GDF9: variants seen among roughly 807,000 people sequenced by gnomAD.
The protein encoded by GDF9 is growth/differentiation factor 9.
In GDF9, 30 loss-of-function variants were observed where a neutral mutation model predicts 33.8. The observed-to-expected ratio is 0.89, with a 90% CI of 0.66 to 1.20. GDF9 has a LOEUF of 1.20. Among genes scored for constraint, GDF9 ranks in the 50% most tolerant of loss-of-function variants. GDF9 has a pLI of 0.00. For synonymous variants in GDF9, 205 were observed against 200.7 expected, an observed-to-expected ratio of 1.02 and a Z score of -0.18; for missense variants, 556 against 543.7, an observed-to-expected ratio of 1.02 and a Z score of -0.22.
intron 1 of GDF9, among the ~76,000 whole-genome samples, chr5:132,863,871 T>C (rs1759424173): frequency 6.6e-6 from 1 of 152,220 alleles, no homozygotes; most frequent in African/African-American, 2.4e-5. Context: ...GGTGCTAACA[T>C]TCTCTAGCAG....
At chr5:132,866,498 G>A, upstream of GDF9, 1 of 273,896 alleles carries the variant, frequency 3.7e-6, no homozygotes, top group South Asian at 3.7e-5. Flanking sequence ...GGGCCTCCAA[G>A]GCACCTCCCA....
rs1441003816 is a variant in GDF9 at position 132,862,280 on chromosome 5, G to A, written c.674C>T (p.Ala225Val). 1 of 1,613,674 alleles carries A rather than the reference G, an allele frequency of 6.2e-7. No individual in the cohort carries two copies. Among genetic ancestry groups the A allele is most frequent in the East Asian group, 2.2e-5 (1 of 44,898 alleles). ...DVTSLLQPLV[A>V]SNKRSIHMSI... The stretch of plus-strand genomic sequence containing the variant: ...CATGTGAATACTTCTCTTGTTGGAG[G>A]CCACTAAAGGTTGAAGGAGGCTGGT... Residue 225 changes from alanine (A) to valine (V), a missense_variant, in exon 2 of 2, where the codon GCC becomes GTC. By Grantham distance (64) the Ala-to-Val change is moderately conservative. Coordinates refer to ENST00000687138, the MANE Select transcript of GDF9 (RefSeq NM_005260.7).
Position 132,864,409 on chromosome 5 carries a change from G to T in GDF9, c.125C>A (p.Ser42Tyr). The T allele has an allele frequency of 6.2e-7, 1 of 1,613,884 alleles. No homozygotes were observed. The highest frequency in any genetic ancestry group is 8.5e-7 in the Non-Finnish European group (1 of 1,179,876). The change falls in exon 1 of 2, where the codon TCT (serine) becomes TAT (tyrosine). Residue 42 changes from serine to tyrosine, a missense_variant. Transcript: ENST00000687138. ...CAGCAAGGACCAAGGCATAGCCCCA[G>T]ATTCCAACTCAGCACTAGCAGCAAT... ...AQIAASAELE[S>Y]GAMPWSLLQH...
In GDF9 at chr5:132,861,872, C is replaced by T. The variant is rs1308929564; in HGVS notation, c.1082G>A (p.Ser361Asn). 6.2e-7 allele frequency: 1 copy of T among 1,613,606 alleles called. No individual in the cohort carries two copies. Residue 361 changes from serine (S) to asparagine (N), a missense_variant, in exon 2 of 2, where the codon AGC (serine) becomes AAC (asparagine). Transcript: ENST00000687138. ...GTTGTCCCACTTCAGCTGACTAAAG[C>T]TAAGTCTAAAGTCATGGAGCTCACA... The part of the protein sequence containing the change: ...NECELHDFRL[S>N]FSQLKWDNWI...
Position 132,865,961 on chromosome 5 carries a change from G to C in GDF9, c.-1428C>G, listed in dbSNP as rs996446954. Among the ~76,000 whole-genome samples the C allele has an allele frequency of 6.6e-6, 1 of 152,156 alleles. No individual in the cohort carries two copies. Among genetic ancestry groups the C allele is most frequent in the African/African-American group, 2.4e-5 (1 of 41,428 alleles). ...TCTGGGGAGGACGCTGGCTGCTGTC[G>C]AGGCGGCCTCAGCATTCATCAATTG... On this transcript the variant is annotated 5_prime_UTR_variant, in exon 1 of 2. Coordinates refer to ENST00000687138, the MANE Select transcript of GDF9 (RefSeq NM_005260.7).
Position 132,861,344 on chromosome 5 carries a change from TAA to T in GDF9, c.*243_*244del, listed in dbSNP as rs920939412. ...AAAAAATCACTCAAGGAAAAAAATG[TAA>T]AGTTCTCCACAATAATTATATTTCA... On this transcript the variant is annotated 3_prime_UTR_variant, in exon 2 of 2. Transcript: ENST00000687138. 5 of 478,066 alleles carry T rather than the reference TAA, an allele frequency of 1.0e-5. No homozygotes were observed. Among genetic ancestry groups the T allele is most frequent in the East Asian group, 3.8e-5 (1 of 26,096 alleles). 29.6% of individuals were successfully genotyped at this position (478,066 alleles called of 1,614,324 possible). A position where few individuals can be genotyped will look rare whatever the true frequency, so the allele number is the denominator to read the frequency against.
chr5:132,862,029 C>A lies in GDF9; in HGVS notation c.925G>T (p.Asp309Tyr). 1.2e-6 allele frequency: 2 copies of A among 1,613,962 alleles called. No individual in the cohort carries two copies. The highest frequency in any genetic ancestry group is 1.7e-6 in the Non-Finnish European group (2 of 1,179,830). The change falls in exon 2 of 2, where the codon GAT becomes TAT. Residue 309 changes from aspartate (D) to tyrosine (Y), a missense_variant. By Grantham distance (160) the Asp-to-Tyr change is radical. Coordinates refer to ENST00000687138, the MANE Select transcript of GDF9 (RefSeq NM_005260.7). Reference protein sequence around the residue: ...AYPVGEEAAEDGRSSHHRHRR... With the variant: ...AYPVGEEAAEYGRSSHHRHRR... The stretch of plus-strand genomic sequence containing the variant: ...TGACGGTGATGGGAAGATCTCCCAT[C>A]CTCAGCAGCCTCTTCTCCCACAGGA...
Position 132,862,388 on chromosome 5 carries a change from G to A in GDF9, c.566C>T (p.Thr189Ile), listed in dbSNP as rs1759323018. Residue 189 changes from threonine (T) to isoleucine (I), a missense_variant, in exon 2 of 2, where the codon ACT becomes ATT. Coordinates refer to ENST00000687138, the MANE Select transcript of GDF9 (RefSeq NM_005260.7). ...AAATGAGTATGGAGCTCTGCCGAGAGTCCTGCTAGAAGACTTTGGCTCCTT... is the reference window on the plus strand; with the variant it reads ...AAATGAGTATGGAGCTCTGCCGAGAATCCTGCTAGAAGACTTTGGCTCCTT... ...MIKEPKSSSR[T>I]LGRAPYSFTF... 2 of 1,613,802 alleles carry A rather than the reference G, an allele frequency of 1.2e-6. No individual in the cohort carries two copies. The highest frequency in any genetic ancestry group is 1.7e-6 in the Non-Finnish European group (2 of 1,179,648).
chr5:132,866,582 T>C (rs1759620889), upstream of GDF9: 4 of 490,500 alleles, frequency 8.2e-6, no homozygotes, highest in South Asian at 2.1e-5. Flanking sequence ...AGGAAAATGG[T>C]ATCTCCCGGA....
rs1759307799 is a variant in GDF9, at chr5:132,862,245, A to G, written c.709T>C (p.Phe237Leu). Residue 237 changes from phenylalanine (F) to leucine (L), a missense_variant, in exon 2 of 2, where the codon TTT becomes CTT. By Grantham distance (22) the Phe-to-Leu change is conservative. Coordinates refer to ENST00000687138, the MANE Select transcript of GDF9 (RefSeq NM_005260.7). ...NKRSIHMSIN[F>L]TCMKDQLEHP... ...TCCAGCTGGTCTTTCATGCAAGTAA[A>G]ATTTATAGACATGTGAATACTTCTC... is the stretch of plus-strand genomic sequence containing the variant. 6.2e-7 allele frequency: 1 copy of G among 1,614,012 alleles called. No homozygotes were observed.
At position 132,861,502 on chromosome 5, in the gene GDF9, A is replaced by C; in HGVS notation, c.*87T>G. 3.6e-6 allele frequency: 4 copies of C among 1,109,342 alleles called. No individual in the cohort carries two copies. In the South Asian group the frequency reaches 5.0e-5, roughly 14 times the overall value. The allele number at this position is 1,109,342 out of a possible 1,614,324, so 68.7% of individuals were successfully genotyped here. A position where few individuals can be genotyped will look rare whatever the true frequency, so the allele number is the denominator to read the frequency against. ...TAACATATGCTACATTTAGAGACTT[A>C]ATATATGAAGCTTTCTCTTGAAGGC... is the stretch of plus-strand genomic sequence containing the variant. On this transcript the variant is annotated 3_prime_UTR_variant, in exon 2 of 2. Transcript: ENST00000687138.
rs1416202763 is a variant in GDF9, at chr5:132,862,256, A to G, written c.698T>C (p.Met233Thr). Reference protein sequence around the residue: ...LVASNKRSIHMSINFTCMKDQ... With the variant: ...LVASNKRSIHTSINFTCMKDQ... ...TTTCATGCAAGTAAAATTTATAGAC[A>G]TGTGAATACTTCTCTTGTTGGAGGC... The change falls in exon 2 of 2, where the codon ATG becomes ACG. Residue 233 changes from methionine to threonine, a missense_variant. Met to Thr is a moderately conservative substitution (Grantham distance 81). Coordinates refer to ENST00000687138, the MANE Select transcript of GDF9 (RefSeq NM_005260.7). 6.2e-7 allele frequency: 1 copy of G among 1,613,662 alleles called. No individual in the cohort carries two copies. Among genetic ancestry groups the G allele is most frequent in the Non-Finnish European group, 8.5e-7 (1 of 1,179,532 alleles).
chr5:132,863,813 G>A (rs553287119), intron 1 of GDF9, among the ~76,000 whole-genome samples: 94 of 152,326 alleles, frequency 6.2e-4, no homozygotes, highest in African/African-American at 2.2e-3. Context: ...AGCTGTAAGA[G>A]ATGTTTAAGG....
rs759665658 is a variant in GDF9 at position 132,862,509 on chromosome 5, T to C, written c.445A>G (p.Thr149Ala). 3.7e-6 allele frequency: 6 copies of C among 1,610,184 alleles called. No individual in the cohort carries two copies. Among genetic ancestry groups the C allele is most frequent in the Non-Finnish European group, 4.2e-6 (5 of 1,178,036 alleles). Residue 149 changes from threonine to alanine, a missense_variant, in exon 2 of 2, where the codon ACC becomes GCC. Physicochemically the swap from Thr to Ala is moderately conservative, Grantham distance 58 (BLOSUM62 0). Coordinates refer to ENST00000687138, the MANE Select transcript of GDF9 (RefSeq NM_005260.7). ...ACTGACTTGAGTAAGTGTTCAACGG[T>C]AGTAATGCGATCCAGGTTAAATAGC... ...ELLFNLDRITTVEHLLKSVLL... is the reference protein window; with the variant it reads ...ELLFNLDRITAVEHLLKSVLL...
At chr5:132,866,475 A>C (rs1358178087), upstream of GDF9, 4 of 268,994 alleles carry the variant, frequency 1.5e-5, no homozygotes. Context: ...GCTCCACCCC[A>C]CCGGCCCGGG....
rs193068020 is a variant in GDF9, at chr5:132,864,808, G to A, written c.-275C>T. The stretch of plus-strand genomic sequence containing the variant: ...TTCCCCTGGCATTTACGTAAAACCC[G>A]TTACTGTTACACTACCGGACTAACT... On this transcript the variant is annotated 5_prime_UTR_variant, in exon 1 of 2. The change creates a new upstream start codon in the 5' untranslated region. Transcript: ENST00000687138. 1.9e-3 allele frequency: 897 copies of A among 474,412 alleles called. 1 individual carries two copies. The highest frequency in any genetic ancestry group is 3.0e-3 in the Non-Finnish European group (797 of 265,710). The allele number at this position is 474,412 out of a possible 1,614,324, so 29.4% of individuals were successfully genotyped here.
In GDF9 at chr5:132,861,739, G is replaced by A; in HGVS notation, c.1215C>T (p.Ile405=). 6.2e-7 allele frequency: 1 copy of A among 1,612,384 alleles called. No individual in the cohort carries two copies. The highest frequency in any genetic ancestry group is 1.1e-5 in the South Asian group (1 of 91,044). Residue 405 remains isoleucine, a synonymous_variant, in exon 2 of 2, where the codon ATC becomes ATT. Transcript: ENST00000687138. ...CTGAGGAGTCCAGCTTCTCATAGAT[G>A]ATGTTCTGTACCATGGTGTGAACTG... ...GSPVHTMVQN[I]IYEKLDSSVP...
Position 132,864,747 on chromosome 5 carries a change from A to G in GDF9, c.-214T>C. ...CTTATTTAGCCAATTTGTTAATTAG[A>G]TACAGATTTACTTGGTTATTTAGCT... On this transcript the variant is annotated 5_prime_UTR_variant, in exon 1 of 2. Transcript: ENST00000687138. 1 of 573,732 alleles carries G rather than the reference A, an allele frequency of 1.7e-6. No homozygotes were observed. The highest frequency in any genetic ancestry group is 3.1e-6 in the Non-Finnish European group (1 of 325,354). The allele number at this position is 573,732 out of a possible 1,614,324, so 35.5% of individuals were successfully genotyped here. A position where few individuals can be genotyped will look rare whatever the true frequency, so the allele number is the denominator to read the frequency against.
At position 132,862,972 on chromosome 5, in the gene GDF9, G is replaced by A. The variant is rs146619126; in HGVS notation, c.398-416C>T. Reference sequence around the variant, plus strand: ...GCCTCCCAAGTAGCTGGGACTACAGGCATGAGCTACCATGCCCAGCTGATT... The same window carrying A: ...GCCTCCCAAGTAGCTGGGACTACAGACATGAGCTACCATGCCCAGCTGATT... On this transcript the variant is annotated intron_variant, in intron 1 of 1. Coordinates refer to ENST00000687138, the MANE Select transcript of GDF9 (RefSeq NM_005260.7). Among the ~76,000 whole-genome samples, 26 of 152,302 alleles carry A rather than the reference G, an allele frequency of 1.7e-4. 1 individual carries two copies. In the East Asian group the frequency reaches 5.0e-3, roughly 29 times the overall value.
Sources: gnomAD v4.1 joint callset for allele counts (sites outside exome capture counted in the v4.1 genomes callset) on GRCh38, gnomAD v4.1.1 for gene constraint, MANE v1.5 for transcripts, NCBI Gene and HGNC (gene_info 2026-07-23, HGNC 2026-07-21) for gene names.